Variants in IL17RE observed in about 807,000 individuals in gnomAD.
IL17RE encodes the protein interleukin-17 receptor E.
A neutral mutation model predicts 70.7 loss-of-function variants in IL17RE; 47 were observed. That is an observed-to-expected ratio of 0.67 (90% CI 0.53 to 0.85). The LOEUF is 0.85. Among genes scored for constraint, IL17RE ranks in the 40% least tolerant of loss-of-function variants. IL17RE has a pLI of 0.00. For synonymous variants in IL17RE, 372 were observed against 381.2 expected (o/e 0.98, Z 0.28); for missense variants, 850 against 893.9 (o/e 0.95, Z 0.63).
chr3:9,913,444 T>TA (rs1239867309), intron 12 of IL17RE, among the ~76,000 whole-genome samples: 2 of 150,484 alleles, frequency 1.3e-5, no homozygotes, highest in East Asian at 1.9e-4. Context: ...TAAACAAACA[T>TA]AAAAAAATTA....
rs1184235338 is a variant in IL17RE at position 9,907,014 on chromosome 3, A to G, written c.580A>G (p.Ile194Val). 1 of 1,614,144 alleles carries G rather than the reference A, an allele frequency of 6.2e-7. No homozygotes were observed. The highest frequency in any genetic ancestry group is 2.2e-5 in the East Asian group (1 of 44,878). Reference protein sequence around the residue: ...LPEARAIRVTISSGPEVSVRL... With the variant: ...LPEARAIRVTVSSGPEVSVRL... ...TGAGGCCCGGGCTATTCGGGTGACCATATCTTCAGGCCCTGAGGTCAGCGT... is the reference window on the plus strand; with the variant it reads ...TGAGGCCCGGGCTATTCGGGTGACCGTATCTTCAGGCCCTGAGGTCAGCGT... Residue 194 changes from isoleucine (I) to valine (V), a missense_variant, in exon 6 of 16, where the codon ATA becomes GTA. By Grantham distance (29) the Ile-to-Val change is conservative. Transcript: ENST00000383814.
At position 9,915,535 on chromosome 3, in the gene IL17RE, C is replaced by T. The variant is rs1463201322; in HGVS notation, c.1732C>T (p.Leu578Phe). 8 of 1,357,716 alleles carry T rather than the reference C, an allele frequency of 5.9e-6. No homozygotes were observed. Among genetic ancestry groups the T allele is most frequent in the Non-Finnish European group, 7.5e-6 (8 of 1,060,146 alleles). 84.1% of individuals were successfully genotyped at this position (1,357,716 alleles called of 1,614,324 possible). The stretch of plus-strand genomic sequence containing the variant: ...CCCCGACCCCCGCGCCGCGCCCCTG[C>T]TCGCCCTGCTCCACGCTGCCCCGCG... ...SGPDPRAAPL[L>F]ALLHAAPRPL... Residue 578 changes from leucine to phenylalanine, a missense_variant, in exon 16 of 16, where the codon CTC (leucine) becomes TTC (phenylalanine). Leu to Phe is a conservative substitution (Grantham distance 22). Coordinates refer to ENST00000383814, the MANE Select transcript of IL17RE (RefSeq NM_153480.2). This position sits in a 1 kb window ranked among gnomAD's most constrained non-coding sequence, Gnocchi z 4.9.
Position 9,914,755 on chromosome 3 carries a change from C to T in IL17RE, c.1425C>T (p.Leu475=), listed in dbSNP as rs1228453285. The change falls in exon 15 of 16, where the codon CTC becomes CTT. Residue 475 remains leucine, a synonymous_variant. Transcript: ENST00000383814. ...LLTLLGVVLA[L]TCRRPQSGPG... ...CCCTACTGGGTGTTGTTCTGGCCCTCACCTGCCGGCGCCCACAGTCAGGTA... is the reference window on the plus strand; with the variant it reads ...CCCTACTGGGTGTTGTTCTGGCCCTTACCTGCCGGCGCCCACAGTCAGGTA... 2 of 1,613,910 alleles carry T rather than the reference C, an allele frequency of 1.2e-6. No homozygotes were observed. The highest frequency in any genetic ancestry group is 1.7e-6 in the Non-Finnish European group (2 of 1,179,988).
At chr3:9,906,913 C>A (rs1327483042) in intron 5 of IL17RE, 48 bp downstream of exon 5, 1 of 1,614,098 alleles carries the variant, frequency 6.2e-7, no homozygotes, top group Non-Finnish European at 8.5e-7. Context: ...GTGGTGGTAC[C>A]AGTGCTAAGG....
intron 12 of IL17RE, among the ~76,000 whole-genome samples, chr3:9,912,529 A>G (rs2082917534): frequency 6.6e-6 from 1 of 152,198 alleles, no homozygotes; most frequent in African/African-American, 2.4e-5. Context: ...TTATCAGACT[A>G]TCTTCCATGT....
chr3:9,914,659 C>A lies in IL17RE; in HGVS notation c.1349-20C>A, dbSNP rs996419725. The A allele has an allele frequency of 1.2e-6, 2 of 1,613,362 alleles. No individual in the cohort carries two copies. The highest frequency in any genetic ancestry group is 1.7e-6 in the Non-Finnish European group (2 of 1,179,440). On this transcript the variant is annotated intron_variant, in intron 14 of 15. Coordinates refer to ENST00000383814, the MANE Select transcript of IL17RE (RefSeq NM_153480.2). The stretch of plus-strand genomic sequence containing the variant: ...CTGGGCACTGAGGAACTGGGCTTGG[C>A]CTCATCCTGCTTGACTCAGTCTCTT...
At chr3:9,909,959 G>A (rs966394651) in intron 8 of IL17RE, 2 of 152,396 alleles carry the variant, frequency 1.3e-5, no homozygotes, top group African/African-American at 4.8e-5. Context: ...AGAGATAGGA[G>A]GGAAAGACAT....
At chr3:9,911,653 T>C in intron 12 of IL17RE, 56 bp downstream of exon 12, 1 of 1,511,412 alleles carries the variant, frequency 6.6e-7, no homozygotes, top group African/African-American at 1.4e-5. Context: ...TCAATTTCCT[T>C]GTGACCTCAT....
rs771287551 is a variant in IL17RE at position 9,903,026 on chromosome 3, C to A, written c.94C>A (p.Pro32Thr). The change falls in exon 1 of 16, where the codon CCC becomes ACC. Residue 32 changes from proline (P) to threonine (T), a missense_variant. Physicochemically the swap from Pro to Thr is conservative, Grantham distance 38. Transcript: ENST00000383814. ...DSAGIGFRHL[P>T]HWNTRCPLAS... ...TGCTGGGATTGGCTTTCGCCACCTG[C>A]CCCACTGGAACACCCGCTGTCCTCT... The A allele has an allele frequency of 7.4e-6, 12 of 1,614,076 alleles. No homozygotes were observed. The East Asian group carries it at 2.7e-4, about 36-fold the overall frequency.
Position 9,904,170 on chromosome 3 carries a change from T to G in IL17RE, c.268+19T>G. The G allele has an allele frequency of 6.2e-7, 1 of 1,613,132 alleles. No individual in the cohort carries two copies. The highest frequency in any genetic ancestry group is 8.5e-7 in the Non-Finnish European group (1 of 1,179,180). On this transcript the variant is annotated intron_variant, in intron 3 of 15. Coordinates refer to ENST00000383814, the MANE Select transcript of IL17RE (RefSeq NM_153480.2). ...GGCTCAGGTATGAGAAACAGCCCCT[T>G]GGGCCATTCTCAGTGAAGAGAACAT...
intron 12 of IL17RE, 32 bp from the exon 13 acceptor site, chr3:9,913,924 G>C: frequency 1.3e-6 from 2 of 1,586,210 alleles, no homozygotes; most frequent in South Asian, 1.1e-5. Flanking sequence ...TCACCTCCCT[G>C]GGGACAGCCT....
At position 9,903,387 on chromosome 3, in the gene IL17RE, T is replaced by C. The variant is rs2082681623; in HGVS notation, c.133-10T>C. On this transcript the variant is annotated splice_polypyrimidine_tract_variant and intron_variant, in intron 1 of 15. Transcript: ENST00000383814. ...TTCCTTTCTTTTCCCTACTGGGCCC[T>C]GTGCCTCAGGATGACAGTTTCACTG... The C allele has an allele frequency of 1.9e-6, 3 of 1,613,772 alleles. No individual in the cohort carries two copies. Among genetic ancestry groups the C allele is most frequent in the Non-Finnish European group, 2.5e-6 (3 of 1,179,786 alleles).
At chr3:9,912,912 C>T (rs1006512286) in intron 12 of IL17RE, among the ~76,000 whole-genome samples, 1 of 152,124 alleles carries the variant, frequency 6.6e-6, no homozygotes, top group African/African-American at 2.4e-5. Context: ...ATTTAGTATG[C>T]TTTGTGCCCA....
rs943925671 is a variant in IL17RE at position 9,909,499 on chromosome 3, G to A, written c.802+216G>A. The A allele has an allele frequency of 5.0e-6, 3 of 601,550 alleles. No homozygotes were observed. In the East Asian group the frequency reaches 8.4e-5, roughly 17 times the overall value. 37.3% of individuals were successfully genotyped at this position (601,550 alleles called of 1,614,324 possible). ...GCTTGCCAATAGATCAGAGATCGCT[G>A]AGCACCGCAGTACTGTGAGAAGTTT... On this transcript the variant is annotated intron_variant, in intron 8 of 15. Transcript: ENST00000383814.
intron 3 of IL17RE, among the ~76,000 whole-genome samples, chr3:9,905,094 C>CAAAAAAA (rs71626946): frequency 7.9e-4 from 44 of 55,998 alleles, no homozygotes; most frequent in African/African-American, 1.6e-3. Context: ...GACCCTGTCT[C>CAAAAAAA]AAAAAAAAAA....
chr3:9,902,583 G>T (rs770789794), upstream of IL17RE: 16 of 1,520,816 alleles, frequency 1.1e-5, no homozygotes, highest in Admixed American at 1.6e-4. Flanking sequence ...GATCAGATCT[G>T]CAGTGTGTTT....
At position 9,915,955 on chromosome 3, in the gene IL17RE, A is replaced by G; in HGVS notation, c.*148A>G. ...CCGCATTCCCTGCCTCACAGGCCGGAAGTCCCAGCCCAGTCCCCGCGCGCG... is the reference window on the plus strand; with the variant it reads ...CCGCATTCCCTGCCTCACAGGCCGGGAGTCCCAGCCCAGTCCCCGCGCGCG... On this transcript the variant is annotated 3_prime_UTR_variant, in exon 16 of 16. Transcript: ENST00000383814. The surrounding 1 kb of genome is among the most constrained non-coding windows in gnomAD (Gnocchi z 4.9). 1 of 1,300,886 alleles carries G rather than the reference A, an allele frequency of 7.7e-7. No individual in the cohort carries two copies. 80.6% of individuals were successfully genotyped at this position (1,300,886 alleles called of 1,614,324 possible).
rs1446708404 is a variant in IL17RE at position 9,904,108 on chromosome 3, C to T, written c.225C>T (p.His75=). 5 of 1,614,236 alleles carry T rather than the reference C, an allele frequency of 3.1e-6. No individual in the cohort carries two copies. The highest frequency in any genetic ancestry group is 4.2e-6 in the Non-Finnish European group (5 of 1,180,036). Residue 75 remains histidine, a synonymous_variant, in exon 3 of 16, where the codon CAC becomes CAT. Coordinates refer to ENST00000383814, the MANE Select transcript of IL17RE (RefSeq NM_153480.2). ...STKPWCVRVW[H]CSRCLCQHLL... ...AGCCTTGGTGTGTGCGAGTCTGGCA[C>T]TGTTCCCGCTGTTTGTGCCAGCATC...
intron 13 of IL17RE, 117 bp downstream of exon 13, chr3:9,914,141 A>C: frequency 2.4e-6 from 2 of 838,806 alleles, no homozygotes; most frequent in Non-Finnish European, 3.9e-6. Context: ...ACAGTGTTTT[A>C]AATTGAAATT....
Sources: gnomAD v4.1 joint callset for allele counts (sites outside exome capture counted in the v4.1 genomes callset) on GRCh38, gnomAD v4.1.1 for gene constraint, Gnocchi (gnomAD v3.1) non-coding constraint, MANE v1.5 for transcripts, NCBI Gene and HGNC (gene_info 2026-07-23, HGNC 2026-07-21) for gene names.